Variants in BPIFB1 observed in about 807,000 individuals in gnomAD.
The protein encoded by BPIFB1 is BPI fold containing family B member 1.
A neutral mutation model predicts 55.1 loss-of-function variants in BPIFB1; 34 were observed. The observed-to-expected ratio is 0.62, with a 90% CI of 0.47 to 0.82. BPIFB1 has a LOEUF of 0.82. Among genes scored for constraint, BPIFB1 ranks in the 40% least tolerant of loss-of-function variants. BPIFB1 has a pLI of 0.00. For synonymous variants in BPIFB1, 236 were observed against 245.3 expected (o/e 0.96, Z 0.35); for missense variants, 532 against 593.1 (o/e 0.90, Z 1.07).
chr20:33,297,662 GAAGGCCTCCCCA>G (rs1199134200), intron 7 of BPIFB1, 74 bp downstream of exon 7: 2 of 1,520,128 alleles, frequency 1.3e-6, no homozygotes. Context: ...TCCACCAAGG[GAAGGCCTCCCCA>G]AGTCAGGCCT....
rs137862377 is a variant in BPIFB1, at chr20:33,284,035, G to A, written c.-42+781G>A. The stretch of plus-strand genomic sequence containing the variant: ...TGTCTTCTGGCTTTGGCTGCAAGGT[G>A]TCTCCTTCTGACTCCAATATTAGTA... On this transcript the variant is annotated intron_variant, in intron 1 of 15. Coordinates refer to ENST00000253354, the MANE Select transcript of BPIFB1 (RefSeq NM_033197.3). 3.3e-4 allele frequency among the ~76,000 whole-genome samples: 50 copies of A among 152,256 alleles called. No individual in the cohort carries two copies. The East Asian group carries it at 8.9e-3, about 27-fold the overall frequency.
Position 33,291,845 on chromosome 20 carries a change from T to C in BPIFB1, c.516-62T>C, listed in dbSNP as rs1980482481. On this transcript the variant is annotated intron_variant, in intron 5 of 15. Transcript: ENST00000253354. ...AGACTCAGCCTCCCCCTCTGTAAAA[T>C]AGAGGAAGGGGTGATCATCTCTGAC... 1.0e-5 allele frequency: 15 copies of C among 1,451,892 alleles called. 1 individual carries two copies. In the East Asian group the frequency reaches 3.0e-4, roughly 29 times the overall value. The allele number at this position is 1,451,892 out of a possible 1,614,324, so 89.9% of individuals were successfully genotyped here.
At chr20:33,303,466 G>C (rs1232667432) in intron 11 of BPIFB1, among the ~76,000 whole-genome samples, 1 of 152,142 alleles carries the variant, frequency 6.6e-6, no homozygotes, top group East Asian at 1.9e-4. Flanking sequence ...ATTCCCTCAT[G>C]GTAGTGCCCC....
chr20:33,294,510 A>G (rs1350020951), intron 6 of BPIFB1, among the ~76,000 whole-genome samples: 6 of 152,202 alleles, frequency 3.9e-5, no homozygotes, highest in Admixed American at 2.0e-4. Context: ...GAAAAACTTC[A>G]TAACATTGGA....
intron 7 of BPIFB1, among the ~76,000 whole-genome samples, chr20:33,298,535 C>T (rs1056667451): frequency 2.0e-5 from 3 of 148,054 alleles, no homozygotes; most frequent in Non-Finnish European, 4.4e-5. Context: ...CCATGGGCCA[C>T]GCCCTCCCGC....
At chr20:33,297,341 G>A (rs1473086227) in intron 6 of BPIFB1, among the ~76,000 whole-genome samples, 184 bp from the exon 7 acceptor site, 1 of 152,260 alleles carries the variant, frequency 6.6e-6, no homozygotes, top group Non-Finnish European at 1.5e-5. Context: ...CACTGCAAAA[G>A]GTCCCAGGTG....
chr20:33,299,999 A>G lies in BPIFB1; in HGVS notation c.747+15A>G. On this transcript the variant is annotated intron_variant, in intron 8 of 15. Transcript: ENST00000253354. Reference sequence around the variant, plus strand: ...TCTACCTGGGGGTGAGTGTCCCAGGACCTTGAGGGTGAAGTGGGGACATTG... The same window carrying G: ...TCTACCTGGGGGTGAGTGTCCCAGGGCCTTGAGGGTGAAGTGGGGACATTG... 6.2e-7 allele frequency: 1 copy of G among 1,608,236 alleles called. No homozygotes were observed. The highest frequency in any genetic ancestry group is 8.5e-7 in the Non-Finnish European group (1 of 1,174,658).
At position 33,286,080 on chromosome 20, in the gene BPIFB1, G is replaced by A. The variant is rs756160952; in HGVS notation, c.7G>A (p.Gly3Ser). 1.6e-5 allele frequency: 26 copies of A among 1,613,988 alleles called. No individual in the cohort carries two copies. Among genetic ancestry groups the A allele is most frequent in the African/African-American group, 1.1e-4 (8 of 74,916 alleles). ...CCCTCTGACACCTGGGAAGATGGCC[G>A]GCCCGTGGACCTTCACCCTTCTCTG... is the stretch of plus-strand genomic sequence containing the variant. MA[G>S]PWTFTLLCGL... Residue 3 changes from glycine (G) to serine (S), a missense_variant, in exon 2 of 16, where the codon GGC becomes AGC. Coordinates refer to ENST00000253354, the MANE Select transcript of BPIFB1 (RefSeq NM_033197.3).
At chr20:33,285,224 G>A (rs1980225663) in intron 1 of BPIFB1, among the ~76,000 whole-genome samples, 1 of 152,156 alleles carries the variant, frequency 6.6e-6, no homozygotes, top group Non-Finnish European at 1.5e-5. Context: ...CAAAGGCACG[G>A]ACACAGGAGA....
In BPIFB1 at chr20:33,309,652, C is replaced by T; in HGVS notation, c.1396-56C>T. On this transcript the variant is annotated intron_variant, in intron 15 of 15. Transcript: ENST00000253354. The surrounding 1 kb of genome is among the most constrained non-coding windows in gnomAD (Gnocchi z 4.4). ...TTATGGAGGACAAAACCAGCATAAA[C>T]CACAAGGCAAAAGGTTAAAGAAACC... 1 of 1,568,090 alleles carries T rather than the reference C, an allele frequency of 6.4e-7. No individual in the cohort carries two copies. Among genetic ancestry groups the T allele is most frequent in the Non-Finnish European group, 8.8e-7 (1 of 1,138,400 alleles).
intron 13 of BPIFB1, among the ~76,000 whole-genome samples, chr20:33,305,437 C>T (rs937441750): frequency 2.6e-5 from 4 of 151,222 alleles, no homozygotes; most frequent in African/African-American, 9.7e-5. Flanking sequence ...CCTGCCTCAG[C>T]CTCCTGAGTA....
chr20:33,293,654 CAGAG>C, intron 6 of BPIFB1, among the ~76,000 whole-genome samples: 1 of 152,234 alleles, frequency 6.6e-6, no homozygotes, highest in South Asian at 2.1e-4. Flanking sequence ...CTGGAAAACA[CAGAG>C]AAACCCATCT....
At chr20:33,299,867 C>A (rs780166448) in intron 7 of BPIFB1, 32 bp from the exon 8 acceptor site, 2 of 1,605,084 alleles carry the variant, frequency 1.2e-6, no homozygotes, top group South Asian at 1.1e-5. Context: ...TGCCCTCCAC[C>A]CTCACAGAAC....
In BPIFB1 at chr20:33,301,288, C is replaced by A; in HGVS notation, c.803C>A (p.Ala268Asp). Reference protein sequence around the residue: ...KVTKWFNNSAASLTMPTLDNI... With the variant: ...KVTKWFNNSADSLTMPTLDNI... ...ACCAAGTGGTTCAATAACTCTGCAG[C>A]TTCCCTGACAATGCCCACCCTGGAC... The change falls in exon 9 of 16, where the codon GCT becomes GAT. Residue 268 changes from alanine (A) to aspartate (D), a missense_variant. Ala to Asp is a moderately radical substitution (Grantham distance 126). Transcript: ENST00000253354. 6.2e-7 allele frequency: 1 copy of A among 1,614,230 alleles called. No homozygotes were observed. The highest frequency in any genetic ancestry group is 8.5e-7 in the Non-Finnish European group (1 of 1,180,034).
At chr20:33,286,438 A>T (rs534385884) in intron 2 of BPIFB1, among the ~76,000 whole-genome samples, 3 of 152,340 alleles carry the variant, frequency 2.0e-5, no homozygotes, top group Non-Finnish European at 4.4e-5. Context: ...CAGAAGGGGC[A>T]TGCAGCCACT....
intron 7 of BPIFB1, chr20:33,299,005 TTTTC>T: frequency 3.4e-6 from 1 of 295,972 alleles, no homozygotes; most frequent in African/African-American, 2.4e-5. Context: ...GACGGACCTT[TTTTC>T]TTTTTTTAAA....
At chr20:33,308,438 GCACACACACATATACACA>G (rs1447372391) in intron 15 of BPIFB1, among the ~76,000 whole-genome samples, 1 of 150,828 alleles carries the variant, frequency 6.6e-6, no homozygotes, top group Non-Finnish European at 1.5e-5. Flanking sequence ...ATGCATGCAT[GCACACACACATATACACA>G]CACACACGCA....
In BPIFB1 at chr20:33,297,533, C is replaced by T. The variant is rs372508992; in HGVS notation, c.606C>T (p.Pro202=). The change falls in exon 7 of 16, where the codon CCC becomes CCT. Residue 202 remains proline (P), a synonymous_variant. Transcript: ENST00000253354. The part of the protein sequence containing the change: ...LPNLVKNQLC[P]VIEASFNGMY... ...TGCTTATGCTGTTGCAGCTGTGTCC[C>T]GTGATCGAGGCTTCCTTCAATGGCA... is the stretch of plus-strand genomic sequence containing the variant. 2.0e-5 allele frequency: 33 copies of T among 1,614,068 alleles called. No homozygotes were observed. The African/African-American group carries it at 2.4e-4, about 12-fold the overall frequency.
rs1052210841 is a variant in BPIFB1, at chr20:33,286,149, A to G, written c.76A>G (p.Thr26Ala). Residue 26 changes from threonine to alanine, a missense_variant, in exon 2 of 16, where the codon ACT becomes GCT. Thr to Ala is a moderately conservative substitution (Grantham distance 58). Transcript: ENST00000253354. ...ATLIQATLSP[T>A]AVLILGPKVI... ...CTTGATCCAAGCCACCCTCAGTCCC[A>G]CTGCAGTTCTCATCCTCGGCCCAAA... The G allele has an allele frequency of 6.2e-7, 1 of 1,614,098 alleles. No individual in the cohort carries two copies. Among genetic ancestry groups the G allele is most frequent in the Non-Finnish European group, 8.5e-7 (1 of 1,180,006 alleles).
Sources: allele counts gnomAD v4.1 joint callset (sites outside exome capture counted in the v4.1 genomes callset), GRCh38; gene constraint gnomAD v4.1.1; non-coding constraint Gnocchi (gnomAD v3.1); transcripts MANE v1.5; gene names NCBI Gene and HGNC (gene_info 2026-07-23, HGNC 2026-07-21).